Variants in PDE7A observed in about 807,000 individuals in gnomAD.
PDE7A encodes phosphodiesterase 7A.
Under a neutral mutation model 64.3 loss-of-function variants are expected in PDE7A, and 39 were observed. The ratio of observed to expected loss-of-function variants is 0.61; its 90% CI spans 0.47 to 0.79. PDE7A has a LOEUF of 0.79. Among genes scored for constraint, PDE7A ranks in the 30% least tolerant of loss-of-function variants. The probability of loss-of-function intolerance (pLI) is 0.00; values close to 1 mark genes in which losing one functional copy is unlikely to be tolerated. For synonymous variants in PDE7A, 203 were observed against 206.8 expected, an observed-to-expected ratio of 0.98 and a Z score of 0.16; for missense variants, 470 against 582.8, an observed-to-expected ratio of 0.81 and a Z score of 1.99.
intron 1 of PDE7A, among the ~76,000 whole-genome samples, chr8:65,834,902 C>T (rs1473991748): frequency 6.6e-6 from 1 of 152,212 alleles, no homozygotes; most frequent in African/African-American, 2.4e-5. Flanking sequence ...TTAGAAGGCT[C>T]ATCTACAAAT....
chr8:65,827,799 T>C (rs1364197535), intron 1 of PDE7A, among the ~76,000 whole-genome samples: 8 of 152,234 alleles, frequency 5.3e-5, no homozygotes, highest in Non-Finnish European at 1.0e-4. Context: ...TGGTAGGCTA[T>C]GCTATCTAGA....
intron 1 of PDE7A, among the ~76,000 whole-genome samples, chr8:65,808,722 G>A (rs1432084316): frequency 2.6e-5 from 4 of 152,122 alleles, no homozygotes; most frequent in Non-Finnish European, 4.4e-5. Flanking sequence ...AGGAAGAAAC[G>A]TAAAGTATAG....
intron 3 of PDE7A, among the ~76,000 whole-genome samples, chr8:65,776,031 C>T (rs1025631614): frequency 1.3e-5 from 2 of 152,152 alleles, no homozygotes; most frequent in African/African-American, 4.8e-5. Flanking sequence ...TAATTTCAGG[C>T]TTCCCCTACA....
chr8:65,816,371 C>T (rs574540342), intron 1 of PDE7A, among the ~76,000 whole-genome samples: 1 of 152,232 alleles, frequency 6.6e-6, no homozygotes, highest in Non-Finnish European at 1.5e-5. Context: ...GAATTCAATG[C>T]TTTTTAAAGA....
At chr8:65,759,065 A>G (rs1808370636) in intron 3 of PDE7A, among the ~76,000 whole-genome samples, 1 of 151,980 alleles carries the variant, frequency 6.6e-6, no homozygotes, top group South Asian at 2.1e-4. Flanking sequence ...CCCCAGATCC[A>G]CTCATTCCAT....
intron 3 of PDE7A, among the ~76,000 whole-genome samples, chr8:65,750,304 T>C (rs1563486868): frequency 6.6e-6 from 1 of 152,208 alleles, no homozygotes; most frequent in Non-Finnish European, 1.5e-5. Context: ...GTATTTATTA[T>C]GAAAAAATAA....
chr8:65,751,197 C>T (rs1199134233), intron 3 of PDE7A, among the ~76,000 whole-genome samples: 3 of 152,194 alleles, frequency 2.0e-5, no homozygotes, highest in Non-Finnish European at 4.4e-5. Flanking sequence ...ATGAAAATCC[C>T]ACGAGACTTT....
At chr8:65,815,738 C>T (rs972297398) in intron 1 of PDE7A, among the ~76,000 whole-genome samples, 7 of 111,860 alleles carry the variant, frequency 6.3e-5, no homozygotes, top group Non-Finnish European at 1.0e-4. Context: ...TTTAATGTAA[C>T]AGTACAAAAA....
chr8:65,728,557 C>T (rs762336844), intron 7 of PDE7A: 2 of 152,168 alleles, frequency 1.3e-5, no homozygotes, highest in Non-Finnish European at 2.9e-5. Context: ...ATTATTTCCT[C>T]TTTAGGATAT....
At chr8:65,826,966 T>C (rs894652956) in intron 1 of PDE7A, among the ~76,000 whole-genome samples, 1 of 152,186 alleles carries the variant, frequency 6.6e-6, no homozygotes, top group Non-Finnish European at 1.5e-5. Flanking sequence ...CTTCCTTGAG[T>C]GTGTCTGAGT....
chr8:65,748,390 G>T (rs1004941093), intron 3 of PDE7A, among the ~76,000 whole-genome samples: 1 of 152,134 alleles, frequency 6.6e-6, no homozygotes, highest in Admixed American at 6.6e-5. Context: ...TTATTAAGGT[G>T]ATATGCTCTA....
At chr8:65,788,780 T>C in intron 1 of PDE7A, 1 of 742,016 alleles carries the variant, frequency 1.3e-6, no homozygotes, top group East Asian at 2.6e-5. Flanking sequence ...AATCAGAGAA[T>C]AAAAACTGAG....
At chr8:65,838,338 T>C (rs1810998810) in intron 1 of PDE7A, 1 of 152,254 alleles carries the variant, frequency 6.6e-6, no homozygotes, top group Non-Finnish European at 1.5e-5. Context: ...TAAACTCAGC[T>C]ATCAACAATA....
rs779701295 is a variant in PDE7A, at chr8:65,715,996, C to CAAAAAA, written c.*3288_*3293dup. ...TGGGCGACAGAGCAAGGCTCTGTCT[C>CAAAAAA]AAAAAAAAAAAAAAAAAAAAAAAAA... On this transcript the variant is annotated 3_prime_UTR_variant, in exon 13 of 13. Coordinates refer to ENST00000401827, the MANE Select transcript of PDE7A (RefSeq NM_001242318.3). Among the ~76,000 whole-genome samples the CAAAAAA allele has an allele frequency of 3.8e-4, 13 of 33,860 alleles. No individual in the cohort carries two copies. In the South Asian group the frequency reaches 0.012, roughly 30 times the overall value. The allele number at this position is 33,860 out of a possible 152,430, so 22.2% of individuals were successfully genotyped here. A position where few individuals can be genotyped will look rare whatever the true frequency, so the allele number is the denominator to read the frequency against.
At chr8:65,826,278 C>T (rs573254966) in intron 1 of PDE7A, among the ~76,000 whole-genome samples, 9 of 152,326 alleles carry the variant, frequency 5.9e-5, no homozygotes, top group African/African-American at 2.2e-4. Flanking sequence ...AAAATTACTT[C>T]AACCAAATTG....
chr8:65,825,730 ATGAG>A (rs1292288686), intron 1 of PDE7A, among the ~76,000 whole-genome samples: 4 of 152,192 alleles, frequency 2.6e-5, no homozygotes, highest in Admixed American at 6.5e-5. Context: ...ATGAGATTAA[ATGAG>A]TAAGTTTTTC....
intron 1 of PDE7A, among the ~76,000 whole-genome samples, chr8:65,805,963 G>C (rs1267035217): frequency 6.6e-6 from 1 of 152,120 alleles, no homozygotes; most frequent in East Asian, 1.9e-4. Flanking sequence ...AGGTAATTTG[G>C]CCATGTTTAT....
intron 1 of PDE7A, among the ~76,000 whole-genome samples, chr8:65,801,283 C>T (rs1009440016): frequency 1.3e-5 from 2 of 152,156 alleles, no homozygotes; most frequent in African/African-American, 2.4e-5. Flanking sequence ...TTTAGAAACA[C>T]AACTCTACCA....
chr8:65,727,424 C>A, intron 7 of PDE7A, 123 bp from the exon 8 acceptor site: 2 of 1,390,388 alleles, frequency 1.4e-6, no homozygotes, highest in South Asian at 2.8e-5. Flanking sequence ...TCACGTCATT[C>A]CTCAGGTGGT....
Sources: gnomAD v4.1 joint callset for allele counts (sites outside exome capture counted in the v4.1 genomes callset) on GRCh38, gnomAD v4.1.1 for gene constraint, MANE v1.5 for transcripts, NCBI Gene and HGNC (gene_info 2026-07-23, HGNC 2026-07-21) for gene names.